The following CSMD3 variants were observed in gnomAD, a reference collection of about 807,000 sequenced individuals.
CSMD3 encodes the protein CUB and sushi domain-containing protein 3.
A neutral mutation model predicts 435.2 loss-of-function variants in CSMD3; 177 were observed. The ratio of observed to expected loss-of-function variants is 0.41; its 90% CI spans 0.36 to 0.46. The LOEUF (loss-of-function observed/expected upper bound fraction) is 0.46. Among genes scored for constraint, CSMD3 ranks in the 20% least tolerant of loss-of-function variants. The pLI is 0.34. For missense variants in CSMD3, 4,265 were observed against 4,504.6 expected (o/e 0.95, Z 1.52); for synonymous variants, 1,656 against 1,520.5 (o/e 1.09, Z -2.07).
intron 10 of CSMD3, among the ~76,000 whole-genome samples, chr8:112,919,618 TTA>T (rs1178238562): frequency 4.0e-5 from 6 of 151,888 alleles, no homozygotes; most frequent in African/African-American, 1.4e-4. Flanking sequence ...CATATCTAAT[TTA>T]TGTGACATTG....
At chr8:112,458,756 T>G (rs1817119062) in intron 32 of CSMD3, among the ~76,000 whole-genome samples, 1 of 152,088 alleles carries the variant, frequency 6.6e-6, no homozygotes, top group Admixed American at 6.6e-5. Context: ...GAATACTTTC[T>G]GAGGTAGCTG....
At chr8:112,807,818 T>C (rs1343102251) in intron 12 of CSMD3, among the ~76,000 whole-genome samples, 2 of 152,154 alleles carry the variant, frequency 1.3e-5, no homozygotes, top group East Asian at 3.9e-4. Context: ...CAAGAAACTT[T>C]TGTTAATTTT....
rs138556249 is a variant in CSMD3, at chr8:113,054,151, G to A, written c.918-34972C>T. Among the ~76,000 whole-genome samples, 1,004 of 152,102 alleles carry A rather than the reference G, an allele frequency of 6.6e-3. 18 individuals carry two copies. The highest frequency in any genetic ancestry group is 6.4e-3 in the Non-Finnish European group (434 of 67,996). On this transcript the variant is annotated intron_variant, in intron 5 of 70. Coordinates refer to ENST00000297405, the MANE Select transcript of CSMD3 (RefSeq NM_198123.2). ...TCTTTTTTAATCTGGCTTAGAGTTC[G>A]TGGCCCAATTACATAATTACTTTCT... is the stretch of plus-strand genomic sequence containing the variant.
intron 1 of CSMD3, among the ~76,000 whole-genome samples, chr8:113,392,388 C>T (rs1396941774): frequency 2.6e-5 from 4 of 152,048 alleles, no homozygotes; most frequent in Admixed American, 6.6e-5. Context: ...GAAGTGGCTA[C>T]GATTCAGACA....
chr8:112,452,013 G>T (rs1182350337), intron 32 of CSMD3, among the ~76,000 whole-genome samples: 1 of 152,088 alleles, frequency 6.6e-6, no homozygotes, highest in East Asian at 1.9e-4. Flanking sequence ...ACCAGTGACT[G>T]AAATTCTCCC....
chr8:112,729,162 ACT>A lies in CSMD3; in HGVS notation c.1973-39114_1973-39113del, dbSNP rs1326026331. 5.3e-5 allele frequency among the ~76,000 whole-genome samples: 8 copies of A among 152,154 alleles called. No individual in the cohort carries two copies. The East Asian group carries it at 1.5e-3, about 29-fold the overall frequency. ...TCTCCAGATGATTTTGTCAAAGTAC[ACT>A]CTCACCAAAAGTGAATGAGAGTGCA... is the stretch of plus-strand genomic sequence containing the variant. On this transcript the variant is annotated intron_variant, in intron 13 of 70. Coordinates refer to ENST00000297405, the MANE Select transcript of CSMD3 (RefSeq NM_198123.2).
chr8:112,773,428 T>C (rs1361483715), intron 13 of CSMD3, among the ~76,000 whole-genome samples: 1 of 151,980 alleles, frequency 6.6e-6, no homozygotes, highest in Non-Finnish European at 1.5e-5. Context: ...AATCTTTTTG[T>C]TACAGAAAAT....
chr8:113,134,872 G>A (rs117059679), intron 4 of CSMD3, among the ~76,000 whole-genome samples: 4 of 152,038 alleles, frequency 2.6e-5, no homozygotes, highest in African/African-American at 4.8e-5. Context: ...TGAAGGCCCC[G>A]TGCTGCATTA....
intron 4 of CSMD3, among the ~76,000 whole-genome samples, chr8:113,147,984 A>G (rs2091717191): frequency 6.6e-6 from 1 of 151,668 alleles, no homozygotes; most frequent in Non-Finnish European, 1.5e-5. Flanking sequence ...TGGTCATAGA[A>G]TCTTTAATAA....
At chr8:113,157,268 T>C (rs1441482608) in intron 4 of CSMD3, among the ~76,000 whole-genome samples, 1 of 152,106 alleles carries the variant, frequency 6.6e-6, no homozygotes, top group African/African-American at 2.4e-5. Flanking sequence ...AAAGGGCAAC[T>C]TGAGCAAGAA....
At chr8:112,587,278 C>A (rs778995759) in intron 22 of CSMD3, 43 bp from the exon 23 acceptor site, 1 of 1,415,288 alleles carries the variant, frequency 7.1e-7, no homozygotes, top group South Asian at 1.2e-5. Context: ...TAATAGATAG[C>A]AGTATCATTT....
chr8:113,346,111 C>T (rs2094149418), intron 1 of CSMD3, among the ~76,000 whole-genome samples: 1 of 152,000 alleles, frequency 6.6e-6, no homozygotes, highest in Non-Finnish European at 1.5e-5. Flanking sequence ...ATTTATTTGT[C>T]ATTTTTCTTC....
At chr8:113,426,811 C>A (rs1380202498) in intron 1 of CSMD3, among the ~76,000 whole-genome samples, 1 of 151,370 alleles carries the variant, frequency 6.6e-6, no homozygotes, top group Non-Finnish European at 1.5e-5. Context: ...AAGTTTTCAA[C>A]AATAAATAAA....
At chr8:113,319,190 G>T (rs2093931990) in intron 1 of CSMD3, among the ~76,000 whole-genome samples, 2 of 151,872 alleles carry the variant, frequency 1.3e-5, no homozygotes, top group Admixed American at 6.6e-5. Flanking sequence ...GTGTACTAGG[G>T]TTTCCTTTTC....
At chr8:113,208,831 T>C (rs1215114552) in intron 3 of CSMD3, among the ~76,000 whole-genome samples, 1 of 152,126 alleles carries the variant, frequency 6.6e-6, no homozygotes, top group Admixed American at 6.6e-5. Context: ...TGTGTGTATA[T>C]GTATATTTCT....
At chr8:113,189,569 G>C (rs2092555549) in intron 3 of CSMD3, among the ~76,000 whole-genome samples, 1 of 151,766 alleles carries the variant, frequency 6.6e-6, no homozygotes, top group Non-Finnish European at 1.5e-5. Flanking sequence ...TTAAATTTAA[G>C]AGGAAATGTA....
chr8:112,873,003 T>C (rs1340764963), intron 10 of CSMD3, among the ~76,000 whole-genome samples: 1 of 151,880 alleles, frequency 6.6e-6, no homozygotes, highest in African/African-American at 2.4e-5. Flanking sequence ...GACAACAAAT[T>C]CTACAAAAGA....
In CSMD3 at chr8:113,351,338, G is replaced by A. The variant is rs184257619; in HGVS notation, c.179-36545C>T. On this transcript the variant is annotated intron_variant, in intron 1 of 70. Transcript: ENST00000297405. ...AGACTAAAACCCCAAACAGTTAAATGAATATATCTTGGAAAAAGGCAAAGC... is the reference window on the plus strand; with the variant it reads ...AGACTAAAACCCCAAACAGTTAAATAAATATATCTTGGAAAAAGGCAAAGC... 1.8e-4 allele frequency among the ~76,000 whole-genome samples: 27 copies of A among 152,192 alleles called. No homozygotes were observed. In the East Asian group the frequency reaches 4.8e-3, roughly 27 times the overall value.
chr8:112,437,774 G>A (rs576854639), intron 32 of CSMD3, among the ~76,000 whole-genome samples: 29 of 152,098 alleles, frequency 1.9e-4, no homozygotes, highest in African/African-American at 6.5e-4. Flanking sequence ...CACAAGTATG[G>A]TGAATTCAGT....
Sources: gnomAD v4.1 joint callset for allele counts (sites outside exome capture counted in the v4.1 genomes callset) on GRCh38, gnomAD v4.1.1 for gene constraint, MANE v1.5 for transcripts, NCBI Gene and HGNC (gene_info 2026-07-23, HGNC 2026-07-21) for gene names.